PRUNE2: variants seen among roughly 807,000 people sequenced by gnomAD.
The protein encoded by PRUNE2 is prune homolog 2 with BCH domain.
In PRUNE2, 164 loss-of-function variants were observed where a neutral mutation model predicts 252.0. The observed-to-expected ratio is 0.65, with a 90% CI of 0.57 to 0.74. The LOEUF (loss-of-function observed/expected upper bound fraction) is 0.74, where lower values mean the gene tolerates loss of function less well. PRUNE2 is among the 30% of genes least tolerant of loss of function. The probability of loss-of-function intolerance (pLI) is 0.00; values close to 1 mark genes in which losing one functional copy is unlikely to be tolerated. For synonymous variants in PRUNE2, 1,292 were observed against 1,350.2 expected (o/e 0.96, Z 0.94); for missense variants, 3,495 against 3,711.0 (o/e 0.94, Z 1.51).
chr9:76,703,074 T>A (rs912058811), intron 9 of PRUNE2, among the ~76,000 whole-genome samples: 2 of 150,524 alleles, frequency 1.3e-5, no homozygotes, highest in African/African-American at 2.4e-5. Context: ...CATGTAGGTA[T>A]TCAAGTAGGT....
At chr9:76,667,176 A>G (rs2040368172) in intron 9 of PRUNE2, among the ~76,000 whole-genome samples, 1 of 152,212 alleles carries the variant, frequency 6.6e-6, no homozygotes, top group Non-Finnish European at 1.5e-5. Flanking sequence ...TGTGAACCCA[A>G]TTAGGCAACG....
At chr9:76,904,868 C>T (rs1386477016) in intron 1 of PRUNE2, among the ~76,000 whole-genome samples, 1 of 152,224 alleles carries the variant, frequency 6.6e-6, no homozygotes. Context: ...GCCCTCCCTT[C>T]CTGCACTCCC....
chr9:76,671,882 T>A (rs1225076649), intron 9 of PRUNE2, among the ~76,000 whole-genome samples: 2 of 151,958 alleles, frequency 1.3e-5, no homozygotes, highest in African/African-American at 4.8e-5. Context: ...AGGCCTGCCT[T>A]ACAAGAGCTC....
At chr9:76,787,386 C>T (rs1347413259) in intron 6 of PRUNE2, 2 of 151,122 alleles carry the variant, frequency 1.3e-5, no homozygotes, top group East Asian at 2.0e-4. Context: ...ATAAGTGATT[C>T]GGGGGGTGGG....
intron 1 of PRUNE2, among the ~76,000 whole-genome samples, chr9:76,904,633 T>C (rs1470814844): frequency 6.6e-6 from 1 of 152,250 alleles, no homozygotes; most frequent in Admixed American, 6.5e-5. Context: ...TTTTCATCCA[T>C]GTGCTCTAGT....
chr9:76,787,962 A>G (rs11145064), intron 6 of PRUNE2, among the ~76,000 whole-genome samples: 4,682 of 152,026 alleles, frequency 0.031, 244 homozygotes, highest in African/African-American at 0.11. Flanking sequence ...CTTCCCACAC[A>G]TGGCCTCGGA....
At chr9:76,829,599 CAG>C (rs2058552105) in intron 4 of PRUNE2, among the ~76,000 whole-genome samples, 1 of 152,148 alleles carries the variant, frequency 6.6e-6, no homozygotes, top group African/African-American at 2.4e-5. Flanking sequence ...GTAGTTTCAA[CAG>C]AGACTGCAGA....
intron 1 of PRUNE2, among the ~76,000 whole-genome samples, chr9:76,902,160 T>C (rs907831540): frequency 2.6e-4 from 39 of 152,128 alleles, no homozygotes; most frequent in Admixed American, 2.3e-3. Context: ...GTACTTCATT[T>C]TTTCCCCCCA....
intron 6 of PRUNE2, among the ~76,000 whole-genome samples, chr9:76,783,293 C>T (rs538799259): frequency 3.3e-5 from 5 of 152,148 alleles, no homozygotes; most frequent in Non-Finnish European, 5.9e-5. Context: ...TGCACCAGCA[C>T]GCCCAGCTAA....
intron 6 of PRUNE2, among the ~76,000 whole-genome samples, chr9:76,780,682 C>G (rs1379539034): frequency 6.6e-6 from 1 of 152,120 alleles, no homozygotes; most frequent in African/African-American, 2.4e-5. Context: ...CAGAGCAAGA[C>G]TCCGTCTCAA....
chr9:76,770,157 A>AT (rs1390734054), intron 6 of PRUNE2, among the ~76,000 whole-genome samples: 1 of 152,204 alleles, frequency 6.6e-6, no homozygotes. Flanking sequence ...ATTTTACTAT[A>AT]ACATTTATAG....
At chr9:76,754,371 C>T (rs28470485) in intron 6 of PRUNE2, among the ~76,000 whole-genome samples, 5,969 of 152,282 alleles carry the variant, frequency 0.039, 382 homozygotes, top group African/African-American at 0.13. Context: ...TGTCCCAGGA[C>T]AGCCCAACTT....
rs149690996 is a variant in PRUNE2, at chr9:76,707,024, C to A, written c.5250G>T (p.Glu1750Asp). ...YLDSSEPAENENKSNPFCDNQ... is the reference protein window; with the variant it reads ...YLDSSEPAENDNKSNPFCDNQ... ...TGTCACAGAATGGGTTTGACTTATT[C>A]TCATTCTCTGCTGGCTCTGAGCTGT... The change falls in exon 8 of 19, where the codon GAG (glutamate) becomes GAT (aspartate). Residue 1750 changes from glutamate (E) to aspartate (D), a missense_variant. Coordinates refer to ENST00000376718, the MANE Select transcript of PRUNE2 (RefSeq NM_015225.3). The A allele has an allele frequency of 3.1e-6, 5 of 1,613,876 alleles. No homozygotes were observed. Among genetic ancestry groups the A allele is most frequent in the Non-Finnish European group, 3.4e-6 (4 of 1,179,892 alleles).
chr9:76,710,517 C>T lies in PRUNE2; in HGVS notation c.1757G>A (p.Ser586Asn), dbSNP rs763424063. Residue 586 changes from serine to asparagine, a missense_variant, in exon 8 of 19, where the codon AGC becomes AAC. Coordinates refer to ENST00000376718, the MANE Select transcript of PRUNE2 (RefSeq NM_015225.3). The part of the protein sequence containing the change: ...SPRDNSERNL[S>N]LTDFVGDESP... ...TTCATCTCCCACAAAATCTGTCAGG[C>T]TCAAATTTCTTTCAGAGTTATCTCT... is the stretch of plus-strand genomic sequence containing the variant. The T allele has an allele frequency of 7.4e-6, 12 of 1,613,880 alleles. No individual in the cohort carries two copies. Among genetic ancestry groups the T allele is most frequent in the Non-Finnish European group, 1.0e-5 (12 of 1,179,900 alleles).
chr9:76,837,490 A>G (rs1480762543), intron 4 of PRUNE2, among the ~76,000 whole-genome samples: 1 of 28,618 alleles, frequency 3.5e-5, no homozygotes, highest in Non-Finnish European at 7.3e-5. Context: ...TATTAAAGCA[A>G]TCCCATACAC....
chr9:76,793,958 A>T (rs572924156), intron 6 of PRUNE2, among the ~76,000 whole-genome samples: 3 of 152,324 alleles, frequency 2.0e-5, no homozygotes, highest in East Asian at 3.9e-4. Flanking sequence ...TAAAGACATT[A>T]TGAACTTACC....
In PRUNE2 at chr9:76,872,600, A is replaced by AACACACACACAC. The variant is rs71354690; in HGVS notation, c.37-18404_37-18393dup. ...ACAATTTTACATGATGATTATGGAAAACACACACACACACACACACACACA... is the reference window on the plus strand; with the variant it reads ...ACAATTTTACATGATGATTATGGAAAACACACACACACACACACACACACACACACACACACA... On this transcript the variant is annotated intron_variant, in intron 1 of 18. Coordinates refer to ENST00000376718, the MANE Select transcript of PRUNE2 (RefSeq NM_015225.3). Among the ~76,000 whole-genome samples the AACACACACACAC allele has an allele frequency of 2.3e-3, 318 of 139,350 alleles. 1 individual carries two copies. Among genetic ancestry groups the AACACACACACAC allele is most frequent in the African/African-American group, 7.3e-3 (274 of 37,354 alleles). 91.4% of individuals were successfully genotyped at this position (139,350 alleles called of 152,430 possible). A position where few individuals can be genotyped will look rare whatever the true frequency, so the allele number is the denominator to read the frequency against.
chr9:76,817,371 G>C (rs2057758067), intron 6 of PRUNE2, among the ~76,000 whole-genome samples: 2 of 152,174 alleles, frequency 1.3e-5, no homozygotes, highest in Admixed American at 6.5e-5. Context: ...CTCTAAGATA[G>C]AGATTATGGC....
intron 9 of PRUNE2, among the ~76,000 whole-genome samples, chr9:76,670,294 G>A (rs1192954937): frequency 7.2e-5 from 11 of 151,980 alleles, no homozygotes; most frequent in Non-Finnish European, 8.8e-5. Context: ...GGTGACGGAC[G>A]GCACCTGGAA....
Sources: gnomAD v4.1 joint callset for allele counts (sites outside exome capture counted in the v4.1 genomes callset) on GRCh38, gnomAD v4.1.1 for gene constraint, MANE v1.5 for transcripts, NCBI Gene and HGNC (gene_info 2026-07-23, HGNC 2026-07-21) for gene names.